Variants in GFOD2 observed in about 807,000 individuals in gnomAD.
GFOD2 encodes the protein glucose-fructose oxidoreductase domain-containing protein 2.
A neutral mutation model predicts 24.6 loss-of-function variants in GFOD2; 9 were observed. The ratio of observed to expected loss-of-function variants is 0.37; its 90% CI spans 0.22 to 0.64. The LOEUF (loss-of-function observed/expected upper bound fraction) is 0.64. Ranked by LOEUF, GFOD2 falls within the 30% of genes least tolerant of loss-of-function variation. The pLI, the probability that GFOD2 is intolerant of heterozygous loss-of-function variation, is 0.65. For synonymous variants in GFOD2, 211 were observed against 224.8 expected (o/e 0.94, Z 0.55); for missense variants, 476 against 532.5 (o/e 0.89, Z 1.04).
chr16:67,675,620 C>T lies in GFOD2; in HGVS notation c.693G>A (p.Gly231=), dbSNP rs2053178644. ...DFCFFQMLMG[G]GVCSTVTLNF... ...TGAGTGTCACTGTGCTACACACACC[C>T]CCACCCATGAGCATCTGGAAGAAAC... is the stretch of plus-strand genomic sequence containing the variant. Residue 231 remains glycine (G), a synonymous_variant, in exon 3 of 3, where the codon GGG becomes GGA. Transcript: ENST00000268797. 2 of 1,613,160 alleles carry T rather than the reference C, an allele frequency of 1.2e-6. No homozygotes were observed. Among genetic ancestry groups the T allele is most frequent in the African/African-American group, 1.3e-5 (1 of 74,936 alleles).
At chr16:67,687,647 A>T (rs2053278318) in intron 1 of GFOD2, among the ~76,000 whole-genome samples, 1 of 150,900 alleles carries the variant, frequency 6.6e-6, no homozygotes, top group Admixed American at 6.6e-5. Flanking sequence ...TCTCAAAAAA[A>T]AAAAAAAAAA....
At chr16:67,706,413 G>A (rs940107117) in intron 1 of GFOD2, among the ~76,000 whole-genome samples, 1 of 152,066 alleles carries the variant, frequency 6.6e-6, no homozygotes, top group East Asian at 1.9e-4. Context: ...ACACAAATGC[G>A]GTAAACTGAT....
chr16:67,702,994 T>C (rs2053414626), intron 1 of GFOD2, among the ~76,000 whole-genome samples: 1 of 152,134 alleles, frequency 6.6e-6, no homozygotes. Context: ...ACTTTAGAGG[T>C]CACTCACTCA....
chr16:67,679,453 C>T (rs1414880367), intron 2 of GFOD2, among the ~76,000 whole-genome samples: 1 of 151,934 alleles, frequency 6.6e-6, no homozygotes, highest in Non-Finnish European at 1.5e-5. Flanking sequence ...CCAGGCTGGT[C>T]TTGAACTCCT....
At position 67,685,507 on chromosome 16, in the gene GFOD2, C is replaced by T. The variant is rs1030114613; in HGVS notation, c.209G>A (p.Cys70Tyr). 3 of 1,614,062 alleles carry T rather than the reference C, an allele frequency of 1.9e-6. No homozygotes were observed. The highest frequency in any genetic ancestry group is 2.5e-6 in the Non-Finnish European group (3 of 1,180,046). The change falls in exon 2 of 3, where the codon TGC becomes TAC. Residue 70 changes from cysteine to tyrosine, a missense_variant. By Grantham distance (194) the Cys-to-Tyr change is radical. Transcript: ENST00000268797. ...GGTGAGTGGAGGGGGGATGCTGATG[C>T]ACACCAGATCCACATCTTGATGCAG... ...ILLHQDVDLV[C>Y]ISIPPPLTRQ...
intron 2 of GFOD2, among the ~76,000 whole-genome samples, chr16:67,680,131 G>C (rs2053214354): frequency 6.6e-6 from 1 of 152,144 alleles, no homozygotes; most frequent in Non-Finnish European, 1.5e-5. Context: ...CCTGGCCTCA[G>C]GTGATCCTCC....
chr16:67,718,178 A>G (rs971010811), intron 1 of GFOD2, among the ~76,000 whole-genome samples: 2 of 152,180 alleles, frequency 1.3e-5, no homozygotes, highest in Non-Finnish European at 2.9e-5. Context: ...TTTCTAAATT[A>G]AATGCTGTTC....
At position 67,716,637 on chromosome 16, in the gene GFOD2, C is replaced by T. The variant is rs56391792; in HGVS notation, c.-88+2526G>A. Among the ~76,000 whole-genome samples the T allele has an allele frequency of 2.1e-3, 326 of 152,314 alleles. 1 individual carries two copies. The highest frequency in any genetic ancestry group is 7.5e-3 in the African/African-American group (313 of 41,566). On this transcript the variant is annotated intron_variant, in intron 1 of 2. Transcript: ENST00000268797. Reference sequence around the variant, plus strand: ...ACTTGATTTTGGCCTACTTGTCTTACCTTCCTCTGGGTCAACGTGAAAGTA... The same window carrying T: ...ACTTGATTTTGGCCTACTTGTCTTATCTTCCTCTGGGTCAACGTGAAAGTA...
rs2053172194 is a variant in GFOD2, at chr16:67,675,024, G to C, written c.*131C>G. ...CCACTGGAGGGGGCGAAGTCCCAGAGCCACCTCTGGCTTCACCCAGACTCA... is the reference window on the plus strand; with the variant it reads ...CCACTGGAGGGGGCGAAGTCCCAGACCCACCTCTGGCTTCACCCAGACTCA... On this transcript the variant is annotated 3_prime_UTR_variant, in exon 3 of 3. Coordinates refer to ENST00000268797, the MANE Select transcript of GFOD2 (RefSeq NM_030819.4). The C allele has an allele frequency of 9.5e-7, 1 of 1,054,520 alleles. No homozygotes were observed. The highest frequency in any genetic ancestry group is 1.5e-5 in the South Asian group (1 of 64,696). The allele number at this position is 1,054,520 out of a possible 1,614,324, so 65.3% of individuals were successfully genotyped here.
At chr16:67,688,998 C>T (rs2053290496) in intron 1 of GFOD2, among the ~76,000 whole-genome samples, 1 of 151,082 alleles carries the variant, frequency 6.6e-6, no homozygotes, top group East Asian at 2.0e-4. Flanking sequence ...CTCAGCCTCC[C>T]GAAGTGCTGG....
chr16:67,710,893 T>G (rs2053469044), intron 1 of GFOD2, among the ~76,000 whole-genome samples: 1 of 152,018 alleles, frequency 6.6e-6, no homozygotes, highest in South Asian at 2.1e-4. Context: ...ATTGCAGAGG[T>G]ACCTATACCT....
At chr16:67,696,203 C>T (rs1314898639) in intron 1 of GFOD2, among the ~76,000 whole-genome samples, 3 of 151,682 alleles carry the variant, frequency 2.0e-5, no homozygotes, top group African/African-American at 4.8e-5. Context: ...TTAGTAGAGA[C>T]GGGGTTTCAC....
intron 1 of GFOD2, among the ~76,000 whole-genome samples, chr16:67,709,781 T>A (rs1383640693): frequency 6.6e-6 from 1 of 151,588 alleles, no homozygotes; most frequent in Non-Finnish European, 1.5e-5. Context: ...CACCCAGCTA[T>A]TTTTTTTGTA....
rs1412179675 is a variant in GFOD2, at chr16:67,683,839, G to A, written c.259+1618C>T. On this transcript the variant is annotated intron_variant, in intron 2 of 2. Coordinates refer to ENST00000268797, the MANE Select transcript of GFOD2 (RefSeq NM_030819.4). ...CCGGTTCCTCGACCTAGAGATCTTC[G>A]GCTGCATCAAGGAGACACTTGGCTC... 10 of 1,214,304 alleles carry A rather than the reference G, an allele frequency of 8.2e-6. No homozygotes were observed. The East Asian group carries it at 9.9e-5, about 12-fold the overall frequency. The allele number at this position is 1,214,304 out of a possible 1,614,324, so 75.2% of individuals were successfully genotyped here.
At chr16:67,700,650 TG>T (rs201355212) in intron 1 of GFOD2, among the ~76,000 whole-genome samples, 4,415 of 151,622 alleles carry the variant, frequency 0.029, 97 homozygotes, top group Middle Eastern at 0.16. Flanking sequence ...AGGTAGAGGT[TG>T]CAGTGAACTG....
At chr16:67,711,007 C>T (rs1276452505) in intron 1 of GFOD2, among the ~76,000 whole-genome samples, 2 of 152,142 alleles carry the variant, frequency 1.3e-5, no homozygotes, top group Non-Finnish European at 2.9e-5. Context: ...ATTAAAAACC[C>T]AATTTGTGAT....
At chr16:67,710,611 C>T (rs894662876) in intron 1 of GFOD2, among the ~76,000 whole-genome samples, 1 of 152,130 alleles carries the variant, frequency 6.6e-6, no homozygotes, top group African/African-American at 2.4e-5. Context: ...ATCCACCCAC[C>T]TCAGCCTCCC....
At chr16:67,690,663 A>G (rs1012714768) in intron 1 of GFOD2, among the ~76,000 whole-genome samples, 1 of 152,184 alleles carries the variant, frequency 6.6e-6, no homozygotes, top group Admixed American at 6.6e-5. Flanking sequence ...CTACATTTGG[A>G]GTCATAACAA....
chr16:67,701,402 C>A (rs774393292), intron 1 of GFOD2, among the ~76,000 whole-genome samples: 1 of 152,156 alleles, frequency 6.6e-6, no homozygotes, highest in Non-Finnish European at 1.5e-5. Context: ...TATATCAACG[C>A]CAATGGATAC....
Sources: allele counts gnomAD v4.1 joint callset (sites outside exome capture counted in the v4.1 genomes callset), GRCh38; gene constraint gnomAD v4.1.1; transcripts MANE v1.5; gene names NCBI Gene and HGNC (gene_info 2026-07-23, HGNC 2026-07-21).